Variants in SASS6 observed in about 807,000 individuals in gnomAD.
The protein encoded by SASS6 is SAS-6 centriolar assembly protein.
A neutral mutation model predicts 94.9 loss-of-function variants in SASS6; 59 were observed. The ratio of observed to expected loss-of-function variants is 0.62; its 90% CI spans 0.50 to 0.77. SASS6 has a LOEUF of 0.77. Among genes scored for constraint, SASS6 ranks in the 30% least tolerant of loss-of-function variants. The pLI is 0.00. For synonymous variants in SASS6, 264 were observed against 270.0 expected (o/e 0.98, Z 0.22); for missense variants, 698 against 734.1 (o/e 0.95, Z 0.57).
At chr1:100,104,729 G>A (rs1276932338) in intron 13 of SASS6, among the ~76,000 whole-genome samples, 2 of 151,164 alleles carry the variant, frequency 1.3e-5, no homozygotes, top group African/African-American at 4.9e-5. Context: ...CCCACCCAAA[G>A]TGCTGGGATT....
rs191068169 is a variant in SASS6 at position 100,128,751 on chromosome 1, T to C, written c.66-2809A>G. 2.0e-5 allele frequency among the ~76,000 whole-genome samples: 3 copies of C among 152,370 alleles called. No homozygotes were observed. The East Asian group carries it at 5.8e-4, about 29-fold the overall frequency. The stretch of plus-strand genomic sequence containing the variant: ...GATGTCGTACTCAATAGATGTCTAA[T>C]ACTAATGACATTAGATTTAGTTATG... On this transcript the variant is annotated intron_variant, in intron 1 of 16. Transcript: ENST00000287482.
intron 14 of SASS6, among the ~76,000 whole-genome samples, chr1:100,098,948 T>G (rs1195766609): frequency 1.3e-5 from 2 of 152,150 alleles, no homozygotes; most frequent in African/African-American, 4.8e-5. Context: ...CTGGAATATA[T>G]CATAAGAAAT....
chr1:100,088,921 C>A (rs558955625), intron 14 of SASS6, among the ~76,000 whole-genome samples: 1 of 150,796 alleles, frequency 6.6e-6, no homozygotes, highest in Admixed American at 6.6e-5. Context: ...CTCCACTTAT[C>A]AAAAATTACA....
intron 14 of SASS6, among the ~76,000 whole-genome samples, chr1:100,096,830 G>A (rs79125174): frequency 0.048 from 7,380 of 152,212 alleles, 207 homozygotes; most frequent in African/African-American, 0.067. Flanking sequence ...AAATCACAAT[G>A]AGGGGCCAGG....
intron 14 of SASS6, among the ~76,000 whole-genome samples, chr1:100,099,049 C>A (rs580663): frequency 1.3e-5 from 2 of 152,076 alleles, no homozygotes; most frequent in Non-Finnish European, 2.9e-5. Flanking sequence ...GCTTCCCATA[C>A]TTACACATTA....
intron 7 of SASS6, among the ~76,000 whole-genome samples, chr1:100,113,038 AGTC>A (rs767015683): frequency 1.5e-4 from 23 of 152,198 alleles, no homozygotes; most frequent in Non-Finnish European, 2.2e-4. Flanking sequence ...CAAATCCTTC[AGTC>A]ACTCTGGAGT....
chr1:100,132,418 A>G (rs1220437613), intron 1 of SASS6, among the ~76,000 whole-genome samples: 1 of 151,908 alleles, frequency 6.6e-6, no homozygotes, highest in African/African-American at 2.4e-5. Flanking sequence ...CCTCACGTAA[A>G]TTTTTTTAAC....
At chr1:100,128,878 A>G (rs1423415941) in intron 1 of SASS6, among the ~76,000 whole-genome samples, 1 of 152,142 alleles carries the variant, frequency 6.6e-6, no homozygotes, top group African/African-American at 2.4e-5. Context: ...TAAACTATCA[A>G]TCAAACAAAT....
chr1:100,124,222 C>T (rs1654406347), intron 2 of SASS6, among the ~76,000 whole-genome samples: 1 of 152,156 alleles, frequency 6.6e-6, no homozygotes, highest in Non-Finnish European at 1.5e-5. Flanking sequence ...GTAATTTAGG[C>T]ACCTGCTCTG....
chr1:100,116,475 CT>C (rs1266295567), intron 7 of SASS6, among the ~76,000 whole-genome samples: 1 of 152,160 alleles, frequency 6.6e-6, no homozygotes, highest in African/African-American at 2.4e-5. Flanking sequence ...CTGGTAGTTT[CT>C]GCCAAAGCTA....
intron 1 of SASS6, among the ~76,000 whole-genome samples, chr1:100,131,904 C>T (rs78319539): frequency 6.6e-6 from 1 of 152,002 alleles, no homozygotes; most frequent in Non-Finnish European, 1.5e-5. Flanking sequence ...CACGTGAATA[C>T]GCATGTTATA....
Position 100,115,233 on chromosome 1 carries a change from T to C in SASS6, c.669+3785A>G, listed in dbSNP as rs533785260. ...TTTAGTAAGGTGGCTGGATATGACA[T>C]TAACATACACTACTGATAAACAATT... On this transcript the variant is annotated intron_variant, in intron 7 of 16. Coordinates refer to ENST00000287482, the MANE Select transcript of SASS6 (RefSeq NM_194292.3). 3.7e-3 allele frequency among the ~76,000 whole-genome samples: 566 copies of C among 152,282 alleles called. 3 individuals carry two copies. Among genetic ancestry groups the C allele is most frequent in the African/African-American group, 0.013 (524 of 41,556 alleles).
intron 2 of SASS6, 87 bp downstream of exon 2, chr1:100,125,795 C>T: frequency 1.3e-6 from 1 of 757,982 alleles, no homozygotes; most frequent in Non-Finnish European, 2.3e-6. Flanking sequence ...AAAATAAATG[C>T]AATAAAAGAT....
chr1:100,107,146 T>C (rs1303287600), intron 11 of SASS6, among the ~76,000 whole-genome samples, 153 bp from the exon 12 acceptor site: 2 of 152,068 alleles, frequency 1.3e-5, no homozygotes, highest in Non-Finnish European at 2.9e-5. Flanking sequence ...TGTAATAAAA[T>C]ATTTACATGT....
chr1:100,119,403 C>A (rs1005049384), intron 6 of SASS6, among the ~76,000 whole-genome samples: 1 of 152,056 alleles, frequency 6.6e-6, no homozygotes, highest in African/African-American at 2.4e-5. Flanking sequence ...TCTTTACCAC[C>A]CAATAAAGAG....
At chr1:100,130,817 C>T (rs1654954766) in intron 1 of SASS6, among the ~76,000 whole-genome samples, 1 of 152,144 alleles carries the variant, frequency 6.6e-6, no homozygotes, top group Non-Finnish European at 1.5e-5. Context: ...GCCATAAGGT[C>T]TCTGTCACAA....
intron 8 of SASS6, among the ~76,000 whole-genome samples, chr1:100,108,320 A>G (rs1178381125): frequency 6.6e-6 from 1 of 152,112 alleles, no homozygotes; most frequent in African/African-American, 2.4e-5. Context: ...TCCAAGGGTA[A>G]CCACGGGTGA....
intron 14 of SASS6, among the ~76,000 whole-genome samples, chr1:100,097,171 C>A (rs992797717): frequency 6.6e-6 from 1 of 152,128 alleles, no homozygotes; most frequent in Non-Finnish European, 1.5e-5. Context: ...AATGGCTATA[C>A]AACTGACTAT....
intron 14 of SASS6, among the ~76,000 whole-genome samples, chr1:100,091,177 C>T (rs1383950097): frequency 6.6e-6 from 1 of 152,062 alleles, no homozygotes; most frequent in African/African-American, 2.4e-5. Context: ...TGGTGGTGCA[C>T]ATCTGTAATC....
Sources: gnomAD v4.1 joint callset for allele counts (sites outside exome capture counted in the v4.1 genomes callset) on GRCh38, gnomAD v4.1.1 for gene constraint, MANE v1.5 for transcripts, NCBI Gene and HGNC (gene_info 2026-07-23, HGNC 2026-07-21) for gene names.